The following RFX4 variants were observed in gnomAD, a reference collection of about 807,000 sequenced individuals.
RFX4 encodes regulatory factor X4, also known as transcription factor RFX4.
Under a neutral mutation model 95.0 loss-of-function variants are expected in RFX4, and 10 were observed. The observed-to-expected ratio is 0.11, with a 90% confidence interval of 0.06 to 0.18. RFX4 has a LOEUF of 0.18. Among genes scored for constraint, RFX4 ranks in the 10% least tolerant of loss-of-function variants. The pLI, the probability that RFX4 is intolerant of heterozygous loss-of-function variation, is 1.00. For synonymous variants in RFX4, 321 were observed against 340.7 expected, an observed-to-expected ratio of 0.94 and a Z score of 0.64; for missense variants, 640 against 922.0, an observed-to-expected ratio of 0.69 and a Z score of 3.96.
chr12:106,761,681 CTGGGTTTCTG>C lies in RFX4; in HGVS notation c.*214_*223del. On this transcript the variant is annotated 3_prime_UTR_variant, in exon 18 of 18. Transcript: ENST00000392842. ...CAGGACTTACTAAAAGTCAGTGGGACTGGGTTTCTGTAGCCAAGCCAGACTTGACTGTTTC... is the reference window on the plus strand; with the variant it reads ...CAGGACTTACTAAAAGTCAGTGGGACTAGCCAAGCCAGACTTGACTGTTTC... 4.4e-6 allele frequency: 1 copy of C among 228,684 alleles called. No homozygotes were observed. The highest frequency in any genetic ancestry group is 8.0e-6 in the Non-Finnish European group (1 of 125,664). The allele number at this position is 228,684 out of a possible 1,614,324, so 14.2% of individuals were successfully genotyped here.
chr12:106,690,745 C>T lies in RFX4; in HGVS notation c.669+1381C>T, dbSNP rs528367222. Among the ~76,000 whole-genome samples, 306 of 152,274 alleles carry T rather than the reference C, an allele frequency of 2.0e-3. 3 individuals carry two copies. Among genetic ancestry groups the T allele is most frequent in the African/African-American group, 6.9e-3 (286 of 41,564 alleles). On this transcript the variant is annotated intron_variant, in intron 7 of 17. Coordinates refer to ENST00000392842, the MANE Select transcript of RFX4 (RefSeq NM_213594.3). Reference sequence around the variant, plus strand: ...AGCACTTCTGCCCATATTCCATGGACGGGAGCTGGTCCCACGGCCCCACCT... The same window carrying T: ...AGCACTTCTGCCCATATTCCATGGATGGGAGCTGGTCCCACGGCCCCACCT...
intron 2 of RFX4, among the ~76,000 whole-genome samples, chr12:106,629,755 G>A (rs1222104039): frequency 6.6e-6 from 1 of 152,170 alleles, no homozygotes; most frequent in Non-Finnish European, 1.5e-5. Flanking sequence ...TTACAGGCAT[G>A]AGCCACCATG....
chr12:106,718,316 T>C (rs1045310178), intron 11 of RFX4, among the ~76,000 whole-genome samples: 2 of 152,238 alleles, frequency 1.3e-5, no homozygotes, highest in African/African-American at 4.8e-5. Flanking sequence ...TAAATGAGAC[T>C]ATCTGTGCCA....
At chr12:106,607,577 T>TGGGGGGGGGGGGGGGG (rs200818869) in intron 1 of RFX4, among the ~76,000 whole-genome samples, 1 of 52,064 alleles carries the variant, frequency 1.9e-5, no homozygotes, top group Non-Finnish European at 4.5e-5. Flanking sequence ...GGGGGTGGGG[T>TGGGGGGGGGGGGGGGG]GGGGGGGGCG....
intron 2 of RFX4, among the ~76,000 whole-genome samples, chr12:106,610,674 T>C (rs1449168184): frequency 6.6e-6 from 1 of 152,256 alleles, no homozygotes; most frequent in African/African-American, 2.4e-5. Flanking sequence ...ATAATATTCC[T>C]CTGTATGGAT....
intron 3 of RFX4, among the ~76,000 whole-genome samples, chr12:106,645,641 G>T (rs1415892806): frequency 6.6e-6 from 1 of 152,172 alleles, no homozygotes; most frequent in Non-Finnish European, 1.5e-5. Context: ...AAGGTCATAG[G>T]TAAGACATTG....
At chr12:106,613,539 T>G (rs765641659) in intron 2 of RFX4, among the ~76,000 whole-genome samples, 1 of 151,954 alleles carries the variant, frequency 6.6e-6, no homozygotes, top group Non-Finnish European at 1.5e-5. Context: ...ATTTTTTGTA[T>G]TTTTAGTTGA....
Position 106,675,159 on chromosome 12 carries a change from C to T in RFX4, c.316-6834C>T, listed in dbSNP as rs117267805. Among the ~76,000 whole-genome samples the T allele has an allele frequency of 1.5e-4, 23 of 152,192 alleles. 1 individual carries two copies. The East Asian group carries it at 4.2e-3, about 28-fold the overall frequency. The stretch of plus-strand genomic sequence containing the variant: ...TTCTTGAAAATTACTGGCCAGGCAC[C>T]GTAGTTCTGGCCTGTAATCCCAGCA... On this transcript the variant is annotated intron_variant, in intron 4 of 17. Coordinates refer to ENST00000392842, the MANE Select transcript of RFX4 (RefSeq NM_213594.3).
intron 2 of RFX4, among the ~76,000 whole-genome samples, chr12:106,631,926 C>A (rs1236258998): frequency 1.3e-5 from 2 of 152,188 alleles, no homozygotes; most frequent in Admixed American, 1.3e-4. Flanking sequence ...GAGCAATAAC[C>A]ATTATAGGAG....
At chr12:106,716,070 A>T (rs952253598) in intron 11 of RFX4, among the ~76,000 whole-genome samples, 1 of 152,208 alleles carries the variant, frequency 6.6e-6, no homozygotes, top group Non-Finnish European at 1.5e-5. Flanking sequence ...GACTGCAGGT[A>T]TACTGCTCCA....
intron 13 of RFX4, among the ~76,000 whole-genome samples, chr12:106,723,130 A>G (rs2042426694): frequency 6.6e-6 from 1 of 151,826 alleles, no homozygotes; most frequent in South Asian, 2.1e-4. Context: ...AAGGTAGTTG[A>G]CTCCTTTCTT....
intron 2 of RFX4, among the ~76,000 whole-genome samples, chr12:106,634,354 C>A (rs577730153): frequency 6.6e-6 from 1 of 152,140 alleles, no homozygotes; most frequent in African/African-American, 2.4e-5. Flanking sequence ...AGCAGCAGAT[C>A]CCAGCAGACA....
chr12:106,655,562 A>G (rs2040941936), intron 4 of RFX4, among the ~76,000 whole-genome samples: 1 of 152,198 alleles, frequency 6.6e-6, no homozygotes, highest in African/African-American at 2.4e-5. Flanking sequence ...GTATGCTACC[A>G]GAGCTTGGTC....
intron 3 of RFX4, among the ~76,000 whole-genome samples, chr12:106,653,650 C>T (rs893082211): frequency 5.3e-5 from 8 of 152,200 alleles, no homozygotes; most frequent in Non-Finnish European, 1.0e-4. Flanking sequence ...GAAGAGGATT[C>T]TAAAGTAATC....
At chr12:106,711,604 G>T (rs1459467670) in intron 10 of RFX4, 93 bp downstream of exon 10, 2 of 960,894 alleles carry the variant, frequency 2.1e-6, no homozygotes, top group Non-Finnish European at 3.4e-6. Flanking sequence ...GGATCTTTCA[G>T]GTTAACAGGG....
At chr12:106,704,830 T>TGTGTGTGTGTGCGC (rs1565987237) in intron 8 of RFX4, among the ~76,000 whole-genome samples, 1 of 151,802 alleles carries the variant, frequency 6.6e-6, no homozygotes, top group African/African-American at 2.4e-5. Flanking sequence ...TGTGTGTGCA[T>TGTGTGTGTGTGCGC]GTGTGTGTGT....
Position 106,666,162 on chromosome 12 carries a change from T to G in RFX4, c.315+11811T>G, listed in dbSNP as rs190454021. Among the ~76,000 whole-genome samples the G allele has an allele frequency of 1.7e-3, 266 of 152,128 alleles. 1 individual carries two copies. The Middle Eastern group carries it at 0.024, about 14-fold the overall frequency. Reference sequence around the variant, plus strand: ...AATTTCTAGTGTACAGAAACTTAGGTTGGTAGGTTTTTTCCTCTCAATACT... The same window carrying G: ...AATTTCTAGTGTACAGAAACTTAGGGTGGTAGGTTTTTTCCTCTCAATACT... On this transcript the variant is annotated intron_variant, in intron 4 of 17. Coordinates refer to ENST00000392842, the MANE Select transcript of RFX4 (RefSeq NM_213594.3).
intron 6 of RFX4, 44 bp downstream of exon 6, chr12:106,687,141 CTCTT>C (rs2041670876): frequency 6.8e-7 from 1 of 1,474,970 alleles, no homozygotes. Context: ...TGGTTTCTCT[CTCTT>C]TCTCTCTCTC....
intron 2 of RFX4, 75 bp from the exon 3 acceptor site, chr12:106,639,257 G>A: frequency 8.0e-7 from 1 of 1,255,542 alleles, no homozygotes. Context: ...TTTGAAACTT[G>A]GGAGAGTCGA....
Sources: allele counts gnomAD v4.1 joint callset (sites outside exome capture counted in the v4.1 genomes callset), GRCh38; gene constraint gnomAD v4.1.1; transcripts MANE v1.5; gene names NCBI Gene and HGNC (gene_info 2026-07-23, HGNC 2026-07-21).